SND1: variants seen among roughly 807,000 people sequenced by gnomAD.
SND1 encodes staphylococcal nuclease domain-containing protein 1.
A neutral mutation model predicts 121.7 loss-of-function variants in SND1; 38 were observed. That is an observed-to-expected ratio of 0.31 (90% CI 0.24 to 0.41). The LOEUF is 0.41. SND1 is among the 10% of genes least tolerant of loss of function. SND1 has a pLI of 1.00. For missense variants in SND1, 868 were observed against 1,184.6 expected (o/e 0.73, Z 3.92); for synonymous variants, 401 against 447.4 (o/e 0.90, Z 1.31).
intron 11 of SND1, among the ~76,000 whole-genome samples, chr7:127,831,325 A>G (rs1798734104): frequency 6.6e-6 from 1 of 151,942 alleles, no homozygotes; most frequent in African/African-American, 2.4e-5. Context: ...TCCTTCTTCC[A>G]CTCTTTTCCA....
intron 9 of SND1, among the ~76,000 whole-genome samples, chr7:127,713,725 G>A (rs533168074): frequency 6.6e-6 from 1 of 152,348 alleles, no homozygotes; most frequent in South Asian, 2.1e-4. Context: ...TATTAAGCCT[G>A]AGAAATGTGA....
Position 127,704,708 on chromosome 7 carries a change from C to T in SND1, c.841-131C>T, listed in dbSNP as rs945184241. On this transcript the variant is annotated intron_variant, in intron 7 of 23. Coordinates refer to ENST00000354725, the MANE Select transcript of SND1 (RefSeq NM_014390.4). ...TTTCGTAGTGAGAGAAGCTACTCTA[C>T]TGTAAACAAACAAACAAACAAACTG... 9 of 752,028 alleles carry T rather than the reference C, an allele frequency of 1.2e-5. No individual in the cohort carries two copies. The African/African-American group carries it at 1.4e-4, about 12-fold the overall frequency. 46.6% of individuals were successfully genotyped at this position (752,028 alleles called of 1,614,324 possible).
At chr7:127,658,690 C>T (rs528405125) in intron 1 of SND1, among the ~76,000 whole-genome samples, 28 of 152,332 alleles carry the variant, frequency 1.8e-4, no homozygotes, top group Admixed American at 1.3e-3. Context: ...AACTCGCTTA[C>T]GCATCCTGTG....
At position 127,763,421 on chromosome 7, in the gene SND1, A is replaced by G. The variant is rs116292938; in HGVS notation, c.1152+42021A>G. On this transcript the variant is annotated intron_variant, in intron 10 of 23. Coordinates refer to ENST00000354725, the MANE Select transcript of SND1 (RefSeq NM_014390.4). ...GAGTGCAGTGGCAAAATCACAGCTCATTGCAGCCTTGATGTTCTGGGCTCA... is the reference window on the plus strand; with the variant it reads ...GAGTGCAGTGGCAAAATCACAGCTCGTTGCAGCCTTGATGTTCTGGGCTCA... Among the ~76,000 whole-genome samples the G allele has an allele frequency of 5.8e-3, 890 of 152,204 alleles. 15 individuals are homozygous for G. Among genetic ancestry groups the G allele is most frequent in the African/African-American group, 0.02 (848 of 41,508 alleles).
At chr7:127,764,546 C>G (rs577652176) in intron 10 of SND1, among the ~76,000 whole-genome samples, 13 of 152,198 alleles carry the variant, frequency 8.5e-5, no homozygotes, top group Non-Finnish European at 1.5e-4. Context: ...AGTAACAAAA[C>G]CAAACCAAAT....
chr7:127,903,267 GC>G (rs1800272434), intron 13 of SND1, among the ~76,000 whole-genome samples: 1 of 151,936 alleles, frequency 6.6e-6, no homozygotes, highest in Admixed American at 6.6e-5. Context: ...CAAGTGATCT[GC>G]CCGCCTTGGC....
At chr7:127,980,112 T>TAAAGTAAAGTTAG (rs1563077434) in intron 15 of SND1, among the ~76,000 whole-genome samples, 4 of 47,240 alleles carry the variant, frequency 8.5e-5, no homozygotes, top group East Asian at 2.6e-4. Context: ...TCTTTTTCTT[T>TAAAGTAAAGTTAG]TTTTTTTTTT....
Position 127,743,863 on chromosome 7 carries a change from G to A in SND1, c.1152+22463G>A, listed in dbSNP as rs563926560. Among the ~76,000 whole-genome samples, 8 of 152,296 alleles carry A rather than the reference G, an allele frequency of 5.3e-5. No individual in the cohort carries two copies. In the South Asian group the frequency reaches 1.5e-3, roughly 28 times the overall value. On this transcript the variant is annotated intron_variant, in intron 10 of 23. Transcript: ENST00000354725. ...TGTTGAAATTGGCCAAGGCAATCAT[G>A]GCTATGGTAGAAGTCTTATCTGCTG...
At chr7:127,690,466 T>G (rs1204632315) in intron 2 of SND1, among the ~76,000 whole-genome samples, 3 of 152,252 alleles carry the variant, frequency 2.0e-5, no homozygotes, top group Non-Finnish European at 4.4e-5. Context: ...ACCTGCTGTC[T>G]TTTAAGATTC....
chr7:127,772,297 A>G (rs1797526405), intron 10 of SND1, among the ~76,000 whole-genome samples: 1 of 152,216 alleles, frequency 6.6e-6, no homozygotes, highest in African/African-American at 2.4e-5. Flanking sequence ...GTCCTTTTCC[A>G]TGTGAACAAG....
chr7:128,055,641 G>A (rs148733387), intron 16 of SND1, among the ~76,000 whole-genome samples: 2 of 152,294 alleles, frequency 1.3e-5, no homozygotes, highest in East Asian at 1.9e-4. Context: ...GGAGTGCTCC[G>A]CCTGGGATCA....
chr7:127,985,728 CT>C (rs1180544389), intron 15 of SND1, among the ~76,000 whole-genome samples: 11 of 152,234 alleles, frequency 7.2e-5, no homozygotes, highest in African/African-American at 2.7e-4. Context: ...CAATCCTCAT[CT>C]TCCTGGCCCA....
At chr7:127,802,080 C>A (rs369936856) in intron 10 of SND1, among the ~76,000 whole-genome samples, 1 of 152,126 alleles carries the variant, frequency 6.6e-6, no homozygotes, top group Admixed American at 6.6e-5. Flanking sequence ...CTCCTGACCT[C>A]ATGATCCACC....
intron 11 of SND1, among the ~76,000 whole-genome samples, chr7:127,824,461 C>CT (rs1341799668): frequency 6.6e-6 from 1 of 152,110 alleles, no homozygotes; most frequent in Non-Finnish European, 1.5e-5. Context: ...TGTGGTTTTC[C>CT]TTCTTGCTAC....
At chr7:128,076,130 G>A (rs933892394) in intron 17 of SND1, among the ~76,000 whole-genome samples, 1 of 152,172 alleles carries the variant, frequency 6.6e-6, no homozygotes, top group Admixed American at 6.5e-5. Context: ...AGAGCTGGGC[G>A]ATCCTCTACC....
chr7:128,084,619 C>T, intron 18 of SND1, 105 bp from the exon 19 acceptor site: 2 of 1,308,034 alleles, frequency 1.5e-6, no homozygotes, highest in Non-Finnish European at 2.1e-6. Flanking sequence ...CAGTGCCCCC[C>T]AGAATTTTAC....
At chr7:127,715,440 A>G (rs1056660746) in intron 9 of SND1, among the ~76,000 whole-genome samples, 3 of 152,104 alleles carry the variant, frequency 2.0e-5, no homozygotes, top group Non-Finnish European at 2.9e-5. Context: ...GTAGTACCCA[A>G]TAGGAAGTTT....
At chr7:127,751,712 C>A (rs1797100156) in intron 10 of SND1, among the ~76,000 whole-genome samples, 1 of 152,198 alleles carries the variant, frequency 6.6e-6, no homozygotes, top group Non-Finnish European at 1.5e-5. Flanking sequence ...GTGGGCTGGG[C>A]AGGGTTTGGA....
At chr7:127,865,671 A>G (rs1401787485) in intron 12 of SND1, among the ~76,000 whole-genome samples, 1 of 152,058 alleles carries the variant, frequency 6.6e-6, no homozygotes, top group Non-Finnish European at 1.5e-5. Flanking sequence ...GCTGGAATGC[A>G]GTGACACAAT....
Sources: gnomAD v4.1 joint callset for allele counts (sites outside exome capture counted in the v4.1 genomes callset) on GRCh38, gnomAD v4.1.1 for gene constraint, MANE v1.5 for transcripts, NCBI Gene and HGNC (gene_info 2026-07-23, HGNC 2026-07-21) for gene names.